Variants in TRAPPC9 observed in about 807,000 individuals in gnomAD.
TRAPPC9 encodes the protein trafficking protein particle complex subunit 9, also known as IKK2 binding protein.
TRAPPC9 carries 83 observed loss-of-function variants against 124.0 expected under a neutral mutation model. That is an observed-to-expected ratio of 0.67 (90% CI 0.56 to 0.80). The LOEUF (loss-of-function observed/expected upper bound fraction) is 0.80. Ranked by LOEUF, TRAPPC9 falls within the 30% of genes least tolerant of loss-of-function variation. The pLI, the probability that TRAPPC9 is intolerant of heterozygous loss-of-function variation, is 0.00. For synonymous variants in TRAPPC9, 638 were observed against 617.5 expected (o/e 1.03, Z -0.49); for missense variants, 1,302 against 1,508.3 (o/e 0.86, Z 2.27).
chr8:140,094,269 C>T (rs1368584355), intron 17 of TRAPPC9, among the ~76,000 whole-genome samples: 3 of 152,234 alleles, frequency 2.0e-5, no homozygotes, highest in East Asian at 1.9e-4. Context: ...CAGTATGCCT[C>T]ATCCCAGGAG....
intron 21 of TRAPPC9, 137 bp downstream of exon 21, chr8:139,885,742 C>T: frequency 1.2e-6 from 1 of 825,174 alleles, no homozygotes; most frequent in Non-Finnish European, 2.0e-6. Context: ...GTCTTTTTCC[C>T]CCAAGGTTTC....
chr8:140,102,839 G>A (rs1052918434), intron 17 of TRAPPC9, among the ~76,000 whole-genome samples: 1 of 152,192 alleles, frequency 6.6e-6, no homozygotes, highest in Non-Finnish European at 1.5e-5. Flanking sequence ...TTCAAGTCCT[G>A]CCTCTCACTC....
chr8:140,401,145 G>A (rs567000043), intron 6 of TRAPPC9, among the ~76,000 whole-genome samples: 41 of 152,326 alleles, frequency 2.7e-4, no homozygotes, highest in African/African-American at 9.9e-4. Context: ...AGACCCACTA[G>A]TGGCCTGGTG....
At chr8:140,230,908 G>A (rs1328486808) in intron 16 of TRAPPC9, among the ~76,000 whole-genome samples, 1 of 152,198 alleles carries the variant, frequency 6.6e-6, no homozygotes, top group African/African-American at 2.4e-5. Flanking sequence ...ATCAAGAGAA[G>A]TGGAAACTGT....
intron 21 of TRAPPC9, among the ~76,000 whole-genome samples, chr8:139,849,019 T>C (rs1827279323): frequency 6.6e-6 from 1 of 152,242 alleles, no homozygotes; most frequent in South Asian, 2.1e-4. Flanking sequence ...CCCGGCCCCC[T>C]GATTCTGCCT....
chr8:140,397,140 C>T (rs1325992608), intron 7 of TRAPPC9, among the ~76,000 whole-genome samples: 1 of 152,148 alleles, frequency 6.6e-6, no homozygotes, highest in Non-Finnish European at 1.5e-5. Context: ...ATTATCAATC[C>T]ACAACTAAAG....
intron 17 of TRAPPC9, among the ~76,000 whole-genome samples, chr8:140,124,811 C>T (rs957361844): frequency 2.6e-5 from 4 of 152,176 alleles, no homozygotes; most frequent in African/African-American, 9.7e-5. Flanking sequence ...TGGCAGTAAT[C>T]AGAGAATCTG....
chr8:140,377,216 T>C (rs1283270589), intron 7 of TRAPPC9, among the ~76,000 whole-genome samples: 2 of 152,380 alleles, frequency 1.3e-5, no homozygotes, highest in South Asian at 4.1e-4. Context: ...CGAGTTCATG[T>C]GTACTTTAAA....
intron 21 of TRAPPC9, among the ~76,000 whole-genome samples, chr8:139,846,331 G>A (rs1212533346): frequency 6.6e-6 from 1 of 152,214 alleles, no homozygotes; most frequent in Non-Finnish European, 1.5e-5. Flanking sequence ...CACTGCGGGA[G>A]GGTGGGGATC....
At chr8:140,440,949 G>A (rs1388952229) in intron 2 of TRAPPC9, among the ~76,000 whole-genome samples, 2 of 144,216 alleles carry the variant, frequency 1.4e-5, no homozygotes, top group Non-Finnish European at 3.0e-5. Flanking sequence ...AAGTGTCCTT[G>A]ATGTGTTTCT....
In TRAPPC9 at chr8:140,371,080, G is replaced by A; in HGVS notation, c.1235C>T (p.Ala412Val). 1 of 1,614,258 alleles carries A rather than the reference G, an allele frequency of 6.2e-7. No individual in the cohort carries two copies. Among genetic ancestry groups the A allele is most frequent in the Non-Finnish European group, 8.5e-7 (1 of 1,180,058 alleles). The change falls in exon 8 of 23, where the codon GCC (alanine) becomes GTC (valine). Residue 412 changes from alanine to valine, a missense_variant. This residue lies in a region of TRAPPC9 where 657 missense variants were observed against 811.2 expected (regional missense o/e 0.81). Coordinates refer to ENST00000438773, the MANE Select transcript of TRAPPC9 (RefSeq NM_001160372.4). ...RKSAFFKRVA[A>V]MQCVAPSIAE... ...GATGCTTGGGGCCACGCACTGCATG[G>A]CGGCCACGCGCTTGAAGAACGCAGA...
intron 17 of TRAPPC9, among the ~76,000 whole-genome samples, chr8:140,119,838 C>A (rs1156979356): frequency 1.3e-5 from 2 of 152,156 alleles, no homozygotes. Flanking sequence ...AAAGGAACCC[C>A]CCTTCCTCTC....
intron 17 of TRAPPC9, among the ~76,000 whole-genome samples, chr8:140,129,929 T>A (rs958328761): frequency 1.3e-5 from 2 of 152,310 alleles, no homozygotes; most frequent in Middle Eastern, 3.4e-3. Context: ...CCGAATCAGC[T>A]ACATGCACAC....
chr8:139,843,320 G>A (rs1826860501), intron 21 of TRAPPC9, among the ~76,000 whole-genome samples: 2 of 152,204 alleles, frequency 1.3e-5, no homozygotes, highest in Admixed American at 1.3e-4. Flanking sequence ...TCGGCCCCGG[G>A]GCTGGTCACT....
At chr8:140,065,546 T>C (rs1842859692) in intron 17 of TRAPPC9, among the ~76,000 whole-genome samples, 2 of 152,270 alleles carry the variant, frequency 1.3e-5, no homozygotes, top group South Asian at 2.1e-4. Context: ...AGCTGGTGAC[T>C]TGAATTTAAA....
At chr8:140,454,754 C>T (rs1464849461) in intron 1 of TRAPPC9, among the ~76,000 whole-genome samples, 1 of 150,316 alleles carries the variant, frequency 6.7e-6, no homozygotes, top group African/African-American at 2.5e-5. Flanking sequence ...GCCTGGCCAA[C>T]ATGGCAAAAC....
intron 9 of TRAPPC9, among the ~76,000 whole-genome samples, chr8:140,354,556 T>C (rs1457598538): frequency 2.0e-5 from 3 of 152,210 alleles, no homozygotes; most frequent in Non-Finnish European, 2.9e-5. Context: ...CCCCCGATGA[T>C]GCTGTCTTCA....
chr8:140,410,478 G>C (rs1436042104), intron 5 of TRAPPC9, among the ~76,000 whole-genome samples: 2 of 152,098 alleles, frequency 1.3e-5, no homozygotes, highest in East Asian at 3.9e-4. Flanking sequence ...AGAGATTGCA[G>C]TGAGCCAAGA....
rs200894513 is a variant in TRAPPC9 at position 140,439,206 on chromosome 8, T to C, written c.585-9A>G. 9 of 1,613,902 alleles carry C rather than the reference T, an allele frequency of 5.6e-6. No homozygotes were observed. The highest frequency in any genetic ancestry group is 7.6e-6 in the Non-Finnish European group (9 of 1,179,940). ...ACCGCTTCTTGTAATGTCTAGAAAA[T>C]ACATGAAAATGTATCTTTATTACTA... On this transcript the variant is annotated splice_polypyrimidine_tract_variant and intron_variant, in intron 2 of 22. Coordinates refer to ENST00000438773, the MANE Select transcript of TRAPPC9 (RefSeq NM_001160372.4).
Sources: allele counts gnomAD v4.1 joint callset (sites outside exome capture counted in the v4.1 genomes callset), GRCh38; gene constraint gnomAD v4.1.1; regional missense constraint gnomAD v4.1.1; transcripts MANE v1.5; gene names NCBI Gene and HGNC (gene_info 2026-07-23, HGNC 2026-07-21).